Variants in CCDC171 observed in about 807,000 individuals in gnomAD.
The protein encoded by CCDC171 is coiled-coil domain-containing protein 171.
In CCDC171, 177 loss-of-function variants were observed where a neutral mutation model predicts 168.2. The ratio of observed to expected loss-of-function variants is 1.05; its 90% CI spans 0.93 to 1.19. CCDC171 has a LOEUF of 1.19. Among genes scored for constraint, CCDC171 ranks in the 50% most tolerant of loss-of-function variants. CCDC171 has a pLI of 0.00. For synonymous variants in CCDC171, 687 were observed against 540.8 expected (o/e 1.27, Z -3.75); for missense variants, 1,991 against 1,539.0 (o/e 1.29, Z -4.91).
chr9:15,632,524 A>G (rs1232613720), intron 7 of CCDC171, among the ~76,000 whole-genome samples: 1 of 152,196 alleles, frequency 6.6e-6, no homozygotes, highest in African/African-American at 2.4e-5. Context: ...ATAAAAGAGG[A>G]TACAAACAAA....
chr9:16,083,076 A>C, the CCDC171 span, among the ~76,000 whole-genome samples: 1 of 152,218 alleles, frequency 6.6e-6, no homozygotes, highest in East Asian at 1.9e-4. Flanking sequence ...CATAAGAATT[A>C]GGTATCAGGG....
chr9:15,599,180 A>G (rs553007135), intron 6 of CCDC171, among the ~76,000 whole-genome samples: 1 of 152,222 alleles, frequency 6.6e-6, no homozygotes, highest in East Asian at 1.9e-4. Flanking sequence ...TGTGAATTTG[A>G]TCCTGTCATT....
upstream of CCDC171, among the ~76,000 whole-genome samples, chr9:16,038,756 ATTG>A (rs1361205470): frequency 6.6e-6 from 1 of 151,244 alleles, no homozygotes; most frequent in Non-Finnish European, 1.5e-5. Context: ...AAACACAGAG[ATTG>A]TTAACTTGGA....
chr9:15,682,507 G>T (rs553895750), intron 10 of CCDC171, among the ~76,000 whole-genome samples: 1 of 151,760 alleles, frequency 6.6e-6, no homozygotes, highest in Non-Finnish European at 1.5e-5. Context: ...TATTTATATG[G>T]TACACTGTGA....
rs1202080398 is a variant in CCDC171 at position 15,819,537 on chromosome 9, A to T, written c.3268-27165A>T. Among the ~76,000 whole-genome samples, 2 of 117,072 alleles carry T rather than the reference A, an allele frequency of 1.7e-5. 1 individual carries two copies. The highest frequency in any genetic ancestry group is 4.3e-4 in the East Asian group (2 of 4,658). The allele number at this position is 117,072 out of a possible 152,430, so 76.8% of individuals were successfully genotyped here. On this transcript the variant is annotated intron_variant, in intron 21 of 25. Coordinates refer to ENST00000380701, the MANE Select transcript of CCDC171 (RefSeq NM_173550.4). The stretch of plus-strand genomic sequence containing the variant: ...AAAACAAAAATAGGCAGGGGTTGCC[A>T]TCCTAATCTCGGATAAAACACACTT...
chr9:15,940,711 A>G (rs535383557), intron 25 of CCDC171, among the ~76,000 whole-genome samples: 1 of 151,854 alleles, frequency 6.6e-6, no homozygotes, highest in South Asian at 2.1e-4. Flanking sequence ...ATATGCTCCT[A>G]ATTTTGTGTG....
At chr9:15,655,329 C>T (rs545729460) in intron 7 of CCDC171, among the ~76,000 whole-genome samples, 1 of 152,248 alleles carries the variant, frequency 6.6e-6, no homozygotes, top group African/African-American at 2.4e-5. Flanking sequence ...AGATAGGACT[C>T]TAGGCATGGC....
chr9:15,562,340 G>C (rs2039372678), intron 1 of CCDC171, among the ~76,000 whole-genome samples: 1 of 152,014 alleles, frequency 6.6e-6, no homozygotes, highest in South Asian at 2.1e-4. Context: ...CATTCAGTCT[G>C]CTAAGATAAA....
chr9:15,995,381 C>A (rs987685709), intron 3 of CCDC171, among the ~76,000 whole-genome samples: 1 of 152,196 alleles, frequency 6.6e-6, no homozygotes, highest in African/African-American at 2.4e-5. Flanking sequence ...AAAGATGTCC[C>A]TGGTGATCCA....
chr9:15,591,248 T>G, intron 4 of CCDC171, 118 bp from the exon 5 acceptor site: 1 of 620,716 alleles, frequency 1.6e-6, no homozygotes, highest in Non-Finnish European at 2.8e-6. Context: ...AATGGAAAGG[T>G]TAAATGTTTT....
At chr9:15,918,969 C>T (rs1403960664) in intron 24 of CCDC171, among the ~76,000 whole-genome samples, 1 of 151,620 alleles carries the variant, frequency 6.6e-6, no homozygotes, top group Non-Finnish European at 1.5e-5. Flanking sequence ...TACTCACTAT[C>T]CCTGAAGCTC....
At position 16,032,329 on chromosome 9, in the gene CCDC171, A is replaced by G. The variant is rs116401389; in HGVS notation, n.999-3128A>G. Among the ~76,000 whole-genome samples the G allele has an allele frequency of 2.9e-3, 447 of 152,292 alleles. 1 individual carries two copies. Among genetic ancestry groups the G allele is most frequent in the African/African-American group, 0.01 (436 of 41,550 alleles). On this transcript the variant is annotated intron_variant and non_coding_transcript_variant, in intron 6 of 9. Transcript: ENST00000486641. ...AAATAACCTGACACCTGAGGGGAAA[A>G]AAAGACAAGAGTTGAAATAGACGAT...
chr9:15,934,011 T>G (rs1302674063), intron 25 of CCDC171, among the ~76,000 whole-genome samples: 2 of 151,958 alleles, frequency 1.3e-5, no homozygotes, highest in Non-Finnish European at 2.9e-5. Context: ...AAAATATTTA[T>G]AATTATATAT....
chr9:16,094,183 G>A, the CCDC171 span, among the ~76,000 whole-genome samples: 7 of 152,160 alleles, frequency 4.6e-5, no homozygotes, highest in East Asian at 1.9e-4. Context: ...CTTGGAAAGC[G>A]GGGTGGGCCC....
chr9:15,867,850 G>T (rs1274135982), intron 23 of CCDC171, among the ~76,000 whole-genome samples: 2 of 151,964 alleles, frequency 1.3e-5, no homozygotes, highest in African/African-American at 2.4e-5. Flanking sequence ...CTCAAGTATG[G>T]TTTTTTTGTT....
intron 20 of CCDC171, among the ~76,000 whole-genome samples, 199 bp downstream of exon 20, chr9:15,779,349 GA>G (rs892482448): frequency 1.1e-4 from 16 of 152,002 alleles, no homozygotes; most frequent in Non-Finnish European, 2.1e-4. Flanking sequence ...GGGGAGTGGG[GA>G]GAGAGATTTC....
chr9:15,809,817 T>C (rs1209286386), intron 21 of CCDC171, among the ~76,000 whole-genome samples: 1 of 152,126 alleles, frequency 6.6e-6, no homozygotes, highest in Non-Finnish European at 1.5e-5. Flanking sequence ...CCCGAACGGG[T>C]TGCCACTGCT....
chr9:15,984,437 T>C (rs1339395377), intron 3 of CCDC171, among the ~76,000 whole-genome samples: 1 of 109,768 alleles, frequency 9.1e-6, no homozygotes, highest in Non-Finnish European at 1.8e-5. Flanking sequence ...TATGTGTGTG[T>C]GTATATATAT....
intron 24 of CCDC171, among the ~76,000 whole-genome samples, chr9:15,907,356 T>C (rs577118056): frequency 6.6e-6 from 1 of 152,110 alleles, no homozygotes; most frequent in African/African-American, 2.4e-5. Flanking sequence ...TAATGCTGCA[T>C]ATCTACAACC....
Sources: allele counts gnomAD v4.1 joint callset (sites outside exome capture counted in the v4.1 genomes callset), GRCh38; gene constraint gnomAD v4.1.1; transcripts MANE v1.5; gene names NCBI Gene and HGNC (gene_info 2026-07-23, HGNC 2026-07-21).